The following ZC3H12B variants were observed in gnomAD, a reference collection of about 807,000 sequenced individuals.
ZC3H12B encodes zinc finger CCCH-type containing 12B.
ZC3H12B carries 7 observed loss-of-function variants against 43.9 expected under a neutral mutation model. The observed-to-expected ratio is 0.16, with a 90% confidence interval of 0.09 to 0.30. The LOEUF (loss-of-function observed/expected upper bound fraction) is 0.30. Ranked by LOEUF, ZC3H12B falls within the 10% of genes least tolerant of loss-of-function variation. The pLI is 1.00. For missense variants in ZC3H12B, 475 were observed against 670.2 expected, an observed-to-expected ratio of 0.71 and a Z score of 3.22; for synonymous variants, 222 against 241.7, an observed-to-expected ratio of 0.92 and a Z score of 0.76.
the ZC3H12B span, among the ~76,000 whole-genome samples, chrX:65,189,515 A>T: frequency 2.3e-3 from 246 of 108,369 alleles, 1 homozygote; most frequent in Middle Eastern, 4.7e-3. Context: ...GGTATCTCAT[A>T]GTGGTTTTGA....
intron 1 of ZC3H12B, among the ~76,000 whole-genome samples, chrX:65,367,252 A>G (rs1266916892): frequency 8.9e-6 from 1 of 111,915 alleles, no homozygotes. Context: ...TGACTCTTTC[A>G]TCATGATAGT....
the ZC3H12B span, among the ~76,000 whole-genome samples, chrX:65,222,620 TAATAATAATAATAATAATAATA>T: frequency 3.5e-5 from 3 of 84,715 alleles, no homozygotes; most frequent in African/African-American, 2.2e-4. Context: ...ATAATAATAA[TAATAATAATAATAATAATAATA>T]ATAATAATAA....
Position 65,476,409 on chromosome X carries a change from C to A in ZC3H12B, n.408-12237C>A, listed in dbSNP as rs185894464. On this transcript the variant is annotated intron_variant and non_coding_transcript_variant, in intron 3 of 5. Transcript: ENST00000617377. The stretch of plus-strand genomic sequence containing the variant: ...AAGTTCTTTATTGGGTTTTTAATTT[C>A]TTTCTCTCTTTTTTTGAAAGTACAG... Among the ~76,000 whole-genome samples, 3 of 111,709 alleles carry A rather than the reference C, an allele frequency of 2.7e-5. No individual in the cohort carries two copies. The East Asian group carries it at 8.4e-4, about 31-fold the overall frequency.
the ZC3H12B span, among the ~76,000 whole-genome samples, chrX:65,178,998 G>A: frequency 8.9e-6 from 1 of 111,945 alleles, no homozygotes; most frequent in South Asian, 3.7e-4. Flanking sequence ...GCAAAGACTT[G>A]GAACCAATGC....
chrX:65,192,794 A>AGATAGATT, the ZC3H12B span, among the ~76,000 whole-genome samples: 5 of 110,934 alleles, frequency 4.5e-5, no homozygotes, highest in African/African-American at 1.6e-4. Flanking sequence ...ATAGATAGAT[A>AGATAGATT]GATAGATAGA....
chrX:65,312,286 G>T, the ZC3H12B span, among the ~76,000 whole-genome samples: 1 of 111,855 alleles, frequency 8.9e-6, no homozygotes, highest in Admixed American at 9.5e-5. Context: ...GGAATGGTGA[G>T]TTGCATAAAG....
the ZC3H12B span, among the ~76,000 whole-genome samples, chrX:65,310,367 G>A: frequency 7.2e-5 from 8 of 111,031 alleles, no homozygotes; most frequent in African/African-American, 2.3e-4. Flanking sequence ...ACAGACAAAC[G>A]GAGAGCCAAA....
chrX:65,260,302 C>CA, the ZC3H12B span, among the ~76,000 whole-genome samples: 334 of 103,135 alleles, frequency 3.2e-3, 3 homozygotes, highest in East Asian at 5.7e-3. Flanking sequence ...CAATAGCCAC[C>CA]AAAAAAAAAA....
chrX:65,318,813 T>A, the ZC3H12B span, among the ~76,000 whole-genome samples: 1 of 111,246 alleles, frequency 9.0e-6, no homozygotes, highest in Non-Finnish European at 1.9e-5. Flanking sequence ...AATAACCTAC[T>A]CTTGAGTGAC....
chrX:65,055,363 G>A, the ZC3H12B span, among the ~76,000 whole-genome samples: 4 of 111,662 alleles, frequency 3.6e-5, no homozygotes, highest in Admixed American at 9.5e-5. Flanking sequence ...TTTGTCATTG[G>A]TTCTGTTTAT....
chrX:65,314,141 A>T, the ZC3H12B span, among the ~76,000 whole-genome samples: 1 of 111,470 alleles, frequency 9.0e-6, no homozygotes, highest in Middle Eastern at 4.6e-3. Flanking sequence ...AGAAAAAAAA[A>T]TTAAATCTAG....
chrX:65,067,336 G>A, the ZC3H12B span, among the ~76,000 whole-genome samples: 1 of 111,905 alleles, frequency 8.9e-6, no homozygotes, highest in South Asian at 3.7e-4. Context: ...GTAGTATCTG[G>A]GCTGGATAGC....
At chrX:65,105,277 G>T in the ZC3H12B span, among the ~76,000 whole-genome samples, 1 of 110,426 alleles carries the variant, frequency 9.1e-6, no homozygotes, top group African/African-American at 3.3e-5. Flanking sequence ...AGAAGAGGGA[G>T]GGCATTAGGA....
chrX:65,041,683 A>C, the ZC3H12B span, among the ~76,000 whole-genome samples: 1 of 112,402 alleles, frequency 8.9e-6, no homozygotes, highest in Non-Finnish European at 1.9e-5. Flanking sequence ...TAAAGTGTGC[A>C]TTAAAAGTTA....
the ZC3H12B span, among the ~76,000 whole-genome samples, chrX:65,301,959 T>C: frequency 1.8e-5 from 2 of 110,839 alleles, no homozygotes; most frequent in Admixed American, 1.9e-4. Context: ...TTTCTCAAAA[T>C]CCACGTTCCA....
At chrX:65,243,157 G>A in the ZC3H12B span, among the ~76,000 whole-genome samples, 6,739 of 111,630 alleles carry the variant, frequency 0.06, 203 homozygotes, top group Non-Finnish European at 0.097. Flanking sequence ...CTTCTGCACA[G>A]CAATGGAAAC....
the ZC3H12B span, chrX:65,271,815 T>C: frequency 6.3e-6 from 1 of 157,799 alleles, no homozygotes. Context: ...ATAGCCAGAG[T>C]TGAAAAGGCT....
the ZC3H12B span, among the ~76,000 whole-genome samples, chrX:65,212,479 T>TA: frequency 1.9e-4 from 13 of 67,758 alleles, no homozygotes; most frequent in African/African-American, 7.6e-4. Context: ...ATTATATAAA[T>TA]AATATATATT....
intron 3 of ZC3H12B, among the ~76,000 whole-genome samples, chrX:65,453,079 C>T (rs1373807308): frequency 9.2e-6 from 1 of 108,821 alleles, no homozygotes; most frequent in Non-Finnish European, 1.9e-5. Context: ...CTGCTGGAGG[C>T]ATCACATTAT....
Sources: gnomAD v4.1 joint callset for allele counts (sites outside exome capture counted in the v4.1 genomes callset) on GRCh38, gnomAD v4.1.1 for gene constraint, MANE v1.5 for transcripts, NCBI Gene and HGNC (gene_info 2026-07-23, HGNC 2026-07-21) for gene names.